The following ROR1 variants were observed in gnomAD, a reference collection of about 807,000 sequenced individuals.
ROR1 encodes the protein ROR family WNT receptor 1.
ROR1 carries 19 observed loss-of-function variants against 78.8 expected under a neutral mutation model. That is an observed-to-expected ratio of 0.24 (90% confidence interval 0.17 to 0.35). ROR1 has a LOEUF of 0.35. ROR1 is among the 10% of genes least tolerant of loss of function. ROR1 has a pLI of 1.00. For synonymous variants in ROR1, 386 were observed against 433.6 expected (o/e 0.89, Z 1.36); for missense variants, 917 against 1,177.8 (o/e 0.78, Z 3.24).
intron 1 of ROR1, among the ~76,000 whole-genome samples, chr1:63,783,086 C>T (rs1411269456): frequency 3.3e-5 from 5 of 152,148 alleles, no homozygotes; most frequent in Non-Finnish European, 7.3e-5. Flanking sequence ...CTCGCTGAGA[C>T]TATCCTGAGT....
intron 1 of ROR1, among the ~76,000 whole-genome samples, chr1:63,934,624 G>A (rs934015672): frequency 3.3e-5 from 5 of 152,126 alleles, no homozygotes; most frequent in East Asian, 1.9e-4. Context: ...ACTGCAAGGC[G>A]GAATCTAATT....
Position 63,830,966 on chromosome 1 carries a change from C to T in ROR1, c.91+56458C>T, listed in dbSNP as rs113448614. ...TGCAGGCCCTGCACCAAGTCCAAAA[C>T]GCAGCAGGGCAGCCATTAAATCTTA... On this transcript the variant is annotated intron_variant, in intron 1 of 8. Transcript: ENST00000371079. 7.2e-3 allele frequency among the ~76,000 whole-genome samples: 1,093 copies of T among 152,302 alleles called. 16 individuals are homozygous for T. The highest frequency in any genetic ancestry group is 0.025 in the African/African-American group (1,050 of 41,562).
chr1:64,035,890 C>G (rs781481225), intron 2 of ROR1, among the ~76,000 whole-genome samples: 1 of 152,164 alleles, frequency 6.6e-6, no homozygotes, highest in East Asian at 1.9e-4. Flanking sequence ...CCATCCACCT[C>G]GTCTGCTTTT....
At chr1:63,940,516 G>GATAA (rs1645830020) in intron 1 of ROR1, among the ~76,000 whole-genome samples, 1 of 150,346 alleles carries the variant, frequency 6.7e-6, no homozygotes, top group African/African-American at 2.5e-5. Context: ...TAGATAGATA[G>GATAA]ATAGATAGAT....
At chr1:63,836,912 C>T (rs573251225) in intron 1 of ROR1, among the ~76,000 whole-genome samples, 2 of 152,122 alleles carry the variant, frequency 1.3e-5, no homozygotes, top group Non-Finnish European at 2.9e-5. Context: ...CATAGAGGTA[C>T]CTCTTATAGC....
chr1:63,851,510 C>G (rs190067720), intron 1 of ROR1, among the ~76,000 whole-genome samples: 131 of 152,182 alleles, frequency 8.6e-4, no homozygotes, highest in Non-Finnish European at 1.5e-3. Flanking sequence ...AAGTCACCTG[C>G]AAAATTCTAA....
At chr1:64,027,938 G>A (rs527432229) in intron 2 of ROR1, among the ~76,000 whole-genome samples, 15 of 151,960 alleles carry the variant, frequency 9.9e-5, no homozygotes, top group East Asian at 3.9e-4. Context: ...TTCCTGCCTC[G>A]GCCTCCCAAA....
At chr1:63,924,987 C>A (rs114464424) in intron 1 of ROR1, among the ~76,000 whole-genome samples, 2 of 141,428 alleles carry the variant, frequency 1.4e-5, no homozygotes, top group Non-Finnish European at 3.1e-5. Context: ...CAGATGACAC[C>A]TTTTTCTTTC....
intron 1 of ROR1, among the ~76,000 whole-genome samples, chr1:63,876,387 C>T (rs929384451): frequency 4.6e-5 from 7 of 152,104 alleles, no homozygotes; most frequent in African/African-American, 1.4e-4. Flanking sequence ...CACTTGCACA[C>T]GTTTGCAATT....
intron 4 of ROR1, among the ~76,000 whole-genome samples, chr1:64,053,673 A>T (rs1646851036): frequency 6.6e-6 from 1 of 152,222 alleles, no homozygotes; most frequent in Non-Finnish European, 1.5e-5. Flanking sequence ...TTAAAATTTT[A>T]AAATACATAG....
At chr1:64,028,140 T>A (rs1646629305) in intron 2 of ROR1, among the ~76,000 whole-genome samples, 2 of 152,200 alleles carry the variant, frequency 1.3e-5, no homozygotes. Flanking sequence ...TTTAAAAAAA[T>A]TCTTTTCACT....
intron 1 of ROR1, among the ~76,000 whole-genome samples, chr1:63,782,530 G>A (rs895959433): frequency 6.6e-6 from 1 of 150,406 alleles, no homozygotes; most frequent in Non-Finnish European, 1.5e-5. Context: ...CATTGTTAAG[G>A]CTGAGATTTT....
At chr1:64,053,016 T>C (rs1646846075) in intron 4 of ROR1, among the ~76,000 whole-genome samples, 1 of 152,060 alleles carries the variant, frequency 6.6e-6, no homozygotes, top group Admixed American at 6.6e-5. Flanking sequence ...CAACCTTCTC[T>C]CCAAGGGGAC....
chr1:63,926,493 C>G (rs955135930), intron 1 of ROR1, among the ~76,000 whole-genome samples: 1 of 151,760 alleles, frequency 6.6e-6, no homozygotes, highest in African/African-American at 2.4e-5. Context: ...GCGATGCGGG[C>G]TCTTTTTTGG....
chr1:63,945,845 A>C (rs1315246040), intron 1 of ROR1, among the ~76,000 whole-genome samples: 2 of 152,258 alleles, frequency 1.3e-5, no homozygotes, highest in Non-Finnish European at 2.9e-5. Flanking sequence ...CAAAAATACA[A>C]GAAGGTGCAG....
chr1:63,788,855 G>A (rs632076), intron 1 of ROR1: 176,756 of 746,706 alleles, frequency 0.24, 23,933 homozygotes, highest in African/African-American at 0.5. Flanking sequence ...AGCTTCATGC[G>A]AGCCTTATCT....
At chr1:63,941,398 T>C (rs571393128) in intron 1 of ROR1, among the ~76,000 whole-genome samples, 13 of 152,306 alleles carry the variant, frequency 8.5e-5, no homozygotes, top group Non-Finnish European at 1.6e-4. Context: ...AAAGGATATA[T>C]AGGAGTTGTC....
At chr1:63,958,379 A>G (rs966333118) in intron 1 of ROR1, among the ~76,000 whole-genome samples, 1 of 152,144 alleles carries the variant, frequency 6.6e-6, no homozygotes, top group African/African-American at 2.4e-5. Flanking sequence ...CAACGAGAAC[A>G]TAGGATTATG....
chr1:63,847,282 C>T (rs1053405344), intron 1 of ROR1, among the ~76,000 whole-genome samples: 5 of 152,194 alleles, frequency 3.3e-5, no homozygotes, highest in African/African-American at 1.2e-4. Context: ...GGAGTTTTCT[C>T]CACAGCCTTC....
Sources: gnomAD v4.1 joint callset for allele counts (sites outside exome capture counted in the v4.1 genomes callset) on GRCh38, gnomAD v4.1.1 for gene constraint, MANE v1.5 for transcripts, NCBI Gene and HGNC (gene_info 2026-07-23, HGNC 2026-07-21) for gene names.